Variants in IDI1 observed in about 807,000 individuals in gnomAD.
IDI1 encodes the protein isopentenyl-diphosphate delta isomerase 1.
Under a neutral mutation model 32.9 loss-of-function variants are expected in IDI1, and 23 were observed. That is an observed-to-expected ratio of 0.70 (90% confidence interval 0.50 to 0.99). The LOEUF is 0.99. Among genes scored for constraint, IDI1 ranks in the 50% least tolerant of loss-of-function variants. IDI1 has a pLI of 0.00. For synonymous variants in IDI1, 133 were observed against 128.2 expected, an observed-to-expected ratio of 1.04 and a Z score of -0.25; for missense variants, 326 against 351.9, an observed-to-expected ratio of 0.93 and a Z score of 0.59.
At chr10:1,050,665 C>T (rs148902631), upstream of IDI1, among the ~76,000 whole-genome samples, 138 of 152,278 alleles carry the variant, frequency 9.1e-4, no homozygotes, top group African/African-American at 3.2e-3. Context: ...AAGAGGGAAC[C>T]AGCCCTGGAC....
intron 1 of IDI1, among the ~76,000 whole-genome samples, chr10:1,046,477 C>G (rs924927984): frequency 6.6e-6 from 1 of 152,078 alleles, no homozygotes; most frequent in Non-Finnish European, 1.5e-5. Flanking sequence ...CTACACCACA[C>G]AGCCCAGCTG....
intron 4 of IDI1, among the ~76,000 whole-genome samples, chr10:1,042,042 C>T (rs1260732885): frequency 6.6e-6 from 1 of 151,994 alleles, no homozygotes; most frequent in Non-Finnish European, 1.5e-5. Flanking sequence ...CTCCTGACCT[C>T]GTGATCCACC....
chr10:1,048,795 G>T, intron 1 of IDI1, 69 bp downstream of exon 1: 3 of 1,552,498 alleles, frequency 1.9e-6, no homozygotes. Flanking sequence ...CCTCCTCCCC[G>T]CCCCGTCCCG....
At chr10:1,055,808 G>C in the IDI1 span, among the ~76,000 whole-genome samples, 1 of 151,132 alleles carries the variant, frequency 6.6e-6, no homozygotes, top group Non-Finnish European at 1.5e-5. Context: ...TCTTCATCTT[G>C]AGCTTCCTTA....
chr10:1,044,322 C>T (rs1008230861), intron 1 of IDI1, 151 bp from the exon 2 acceptor site: 1 of 594,438 alleles, frequency 1.7e-6, no homozygotes, highest in South Asian at 2.2e-5. Flanking sequence ...GCCGGCTGCT[C>T]AGCACTATCT....
upstream of IDI1, among the ~76,000 whole-genome samples, chr10:1,053,227 C>A (rs1190477454): frequency 6.6e-6 from 1 of 152,220 alleles, no homozygotes; most frequent in Non-Finnish European, 1.5e-5. Context: ...GTCTTGAACT[C>A]CTCACCTCAA....
the IDI1 span, chr10:1,056,510 C>A: frequency 6.6e-6 from 1 of 152,146 alleles, no homozygotes; most frequent in Non-Finnish European, 1.5e-5. Context: ...GGGCTCGCAG[C>A]CCTCCCGCCC....
the IDI1 span, chr10:1,056,651 A>G: frequency 6.6e-6 from 1 of 152,226 alleles, no homozygotes; most frequent in Non-Finnish European, 1.5e-5. Context: ...TTGGCCCAGC[A>G]GCCGAAGGGG....
At chr10:1,053,736 T>A (rs1430182318), upstream of IDI1, among the ~76,000 whole-genome samples, 3 of 152,218 alleles carry the variant, frequency 2.0e-5, no homozygotes, top group Middle Eastern at 6.8e-3. Context: ...TGCCTGATTT[T>A]TTTTTTTTTT....
chr10:1,055,625 C>G, the IDI1 span, among the ~76,000 whole-genome samples: 2 of 152,058 alleles, frequency 1.3e-5, no homozygotes, highest in Non-Finnish European at 2.9e-5. Context: ...TCTAAAAACT[C>G]AAATATTTTT....
chr10:1,053,695 A>G (rs1833071310), upstream of IDI1, among the ~76,000 whole-genome samples: 1 of 151,716 alleles, frequency 6.6e-6, no homozygotes, highest in South Asian at 2.1e-4. Flanking sequence ...TCATTCTTTT[A>G]TGAAACAGTA....
intron 2 of IDI1, 136 bp downstream of exon 2, chr10:1,043,863 C>A (rs977183918): frequency 1.4e-6 from 1 of 721,112 alleles, no homozygotes; most frequent in African/African-American, 1.8e-5. Flanking sequence ...AATGACCACA[C>A]TATTTAACGA....
At chr10:1,050,158 T>C (rs1165726327), upstream of IDI1, among the ~76,000 whole-genome samples, 1 of 152,246 alleles carries the variant, frequency 6.6e-6, no homozygotes, top group Non-Finnish European at 1.5e-5. Flanking sequence ...TGTTGTTTAC[T>C]ACTGCTATTT....
At chr10:1,050,816 G>A (rs189502980), upstream of IDI1, among the ~76,000 whole-genome samples, 110 of 152,350 alleles carry the variant, frequency 7.2e-4, no homozygotes, top group East Asian at 2.9e-3. Context: ...CAGGTGTGGC[G>A]AGAACACGTA....
intron 1 of IDI1, among the ~76,000 whole-genome samples, chr10:1,046,183 G>A (rs1209589606): frequency 6.6e-6 from 1 of 152,196 alleles, no homozygotes; most frequent in Non-Finnish European, 1.5e-5. Context: ...CAGATCACCT[G>A]TGTATATCCA....
At chr10:1,043,251 A>T in intron 3 of IDI1, 50 bp downstream of exon 3, 1 of 1,116,010 alleles carries the variant, frequency 9.0e-7, no homozygotes, top group South Asian at 1.3e-5. Flanking sequence ...GAATGATAAA[A>T]AGTCAAATTA....
At chr10:1,051,390 T>C (rs1459086719), upstream of IDI1, among the ~76,000 whole-genome samples, 1 of 152,248 alleles carries the variant, frequency 6.6e-6, no homozygotes, top group African/African-American at 2.4e-5. Flanking sequence ...GAGAATTATG[T>C]TCCTTGAAGT....
At chr10:1,046,347 CTA>C (rs1832809485) in intron 1 of IDI1, among the ~76,000 whole-genome samples, 1 of 152,186 alleles carries the variant, frequency 6.6e-6, no homozygotes, top group South Asian at 2.1e-4. Flanking sequence ...ATCACCTTTT[CTA>C]TGTTTAGATA....
intron 1 of IDI1, among the ~76,000 whole-genome samples, chr10:1,045,866 G>GGGGT (rs1207210805): frequency 1.3e-5 from 2 of 150,956 alleles, no homozygotes; most frequent in African/African-American, 4.9e-5. Flanking sequence ...ATAGGGTCTG[G>GGGGT]GTGTGTGTGT....
Sources: allele counts gnomAD v4.1 joint callset (sites outside exome capture counted in the v4.1 genomes callset), GRCh38; gene constraint gnomAD v4.1.1; transcripts MANE v1.5; gene names NCBI Gene and HGNC (gene_info 2026-07-23, HGNC 2026-07-21).